Variants in MEP1A observed in about 807,000 individuals in gnomAD.
MEP1A encodes meprin A subunit alpha, also known as N-benzoyl-L-tyrosyl-P-amino-benzoic acid hydrolase subunit alpha.
Under a neutral mutation model 84.5 loss-of-function variants are expected in MEP1A, and 68 were observed. The observed-to-expected ratio is 0.80, with a 90% CI of 0.66 to 0.98. The LOEUF is 0.98. Ranked by LOEUF, MEP1A falls within the 50% of genes least tolerant of loss-of-function variation. The pLI, the probability that MEP1A is intolerant of heterozygous loss-of-function variation, is 0.00. For synonymous variants in MEP1A, 337 were observed against 336.8 expected, an observed-to-expected ratio of 1.00 and a Z score of -0.01; for missense variants, 887 against 919.9, an observed-to-expected ratio of 0.96 and a Z score of 0.46.
At chr6:46,825,064 A>G (rs1767901470) in intron 7 of MEP1A, among the ~76,000 whole-genome samples, 1 of 83,796 alleles carries the variant, frequency 1.2e-5, no homozygotes, top group Non-Finnish European at 2.9e-5. Context: ...TTATGTATTT[A>G]AATAAATCTA....
intron 5 of MEP1A, among the ~76,000 whole-genome samples, chr6:46,807,549 AAAGAAAGAAAGAAAGAAAGG>A (rs1581668585): frequency 1.7e-5 from 1 of 59,220 alleles, no homozygotes; most frequent in Non-Finnish European, 3.2e-5. Context: ...AGAAAGAAAG[AAAGAAAGAAAGAAAGAAAGG>A]AAGGAAGGAA....
Position 46,839,164 on chromosome 6 carries a change from A to G in MEP1A, c.*28A>G, listed in dbSNP as rs1267583187. ...TGCCTGCTGGCATTGGCCAGACCACAGCAGCACCTCCTCCATGCAGGCCTT... is the reference window on the plus strand; with the variant it reads ...TGCCTGCTGGCATTGGCCAGACCACGGCAGCACCTCCTCCATGCAGGCCTT... On this transcript the variant is annotated 3_prime_UTR_variant, in exon 14 of 14. Transcript: ENST00000230588. 1 of 1,600,612 alleles carries G rather than the reference A, an allele frequency of 6.2e-7. No homozygotes were observed. The highest frequency in any genetic ancestry group is 1.7e-5 in the Admixed American group (1 of 59,180).
intron 4 of MEP1A, 73 bp downstream of exon 4, chr6:46,798,719 G>A (rs899127746): frequency 2.1e-5 from 27 of 1,313,258 alleles, no homozygotes; most frequent in African/African-American, 1.7e-4. Flanking sequence ...TCTGCTCTGC[G>A]GCCAGCCCTG....
In MEP1A at chr6:46,834,758, T is replaced by G; in HGVS notation, c.1783+7T>G. 6.2e-7 allele frequency: 1 copy of G among 1,607,080 alleles called. No individual in the cohort carries two copies. ...ATATTTGTGGACTTTGAAGGTACTT[T>G]TGTTGGTCTTCCTGAGTAAATAATC... On this transcript the variant is annotated splice_region_variant and intron_variant, in intron 12 of 13. Transcript: ENST00000230588.
At chr6:46,811,584 T>C (rs1454402169) in intron 6 of MEP1A, among the ~76,000 whole-genome samples, 1 of 152,098 alleles carries the variant, frequency 6.6e-6, no homozygotes, top group Non-Finnish European at 1.5e-5. Flanking sequence ...CTTTTTATCA[T>C]TCACTATAAA....
intron 10 of MEP1A, among the ~76,000 whole-genome samples, chr6:46,831,470 G>T (rs1214255921): frequency 6.6e-6 from 1 of 152,152 alleles, no homozygotes; most frequent in Non-Finnish European, 1.5e-5. Flanking sequence ...AACTAACAGG[G>T]ATTAAATTTG....
the MEP1A span, among the ~76,000 whole-genome samples, chr6:46,845,498 T>G: frequency 3.3e-5 from 5 of 152,368 alleles, no homozygotes; most frequent in South Asian, 1.0e-3. Flanking sequence ...CGTCTGGTAC[T>G]CACAGAAAAC....
At chr6:46,841,677 T>C (rs1054258691), downstream of MEP1A, among the ~76,000 whole-genome samples, 5 of 152,176 alleles carry the variant, frequency 3.3e-5, no homozygotes, top group African/African-American at 1.2e-4. Flanking sequence ...TCCCCCACCA[T>C]ATCCTCGATA....
chr6:46,838,847 G>A (rs533935723), intron 13 of MEP1A, 133 bp from the exon 14 acceptor site: 69 of 719,194 alleles, frequency 9.6e-5, no homozygotes, highest in Non-Finnish European at 1.5e-4. Context: ...TACAGCTCTT[G>A]AAATGGGACC....
Position 46,829,407 on chromosome 6 carries a change from C to T in MEP1A, c.980C>T (p.Ala327Val). Residue 327 changes from alanine (A) to valine (V), a missense_variant, in exon 10 of 14, where the codon GCA becomes GTA. Physicochemically the swap from Ala to Val is moderately conservative, Grantham distance 64. Coordinates refer to ENST00000230588, the MANE Select transcript of MEP1A (RefSeq NM_005588.3). ...FSTSSGSAEE[A>V]ALLESRILYP... ...ACCAGCTCGGGGTCCGCGGAAGAGG[C>T]AGCCCTACTGGAGTCTCGGATTCTT... 1 of 1,614,118 alleles carries T rather than the reference C, an allele frequency of 6.2e-7. No homozygotes were observed.
At chr6:46,826,648 C>A in intron 9 of MEP1A, 145 bp downstream of exon 9, 1 of 653,430 alleles carries the variant, frequency 1.5e-6, no homozygotes, top group Non-Finnish European at 2.3e-6. Context: ...CTTATATCTT[C>A]ATTATTAACT....
chr6:46,822,707 C>T (rs781048463), intron 7 of MEP1A, among the ~76,000 whole-genome samples: 1 of 152,048 alleles, frequency 6.6e-6, no homozygotes, highest in African/African-American at 2.4e-5. Context: ...CCATGCCCAG[C>T]TAATTTTTGT....
intron 3 of MEP1A, among the ~76,000 whole-genome samples, chr6:46,797,223 C>T (rs986933371): frequency 4.6e-5 from 7 of 152,204 alleles, no homozygotes; most frequent in African/African-American, 1.7e-4. Context: ...TTAATCTCTG[C>T]CTTGGCTTCC....
At chr6:46,835,623 TG>T in intron 13 of MEP1A, 74 bp downstream of exon 13, 1 of 1,510,814 alleles carries the variant, frequency 6.6e-7, no homozygotes, top group South Asian at 1.2e-5. Context: ...TGGTAAAGGC[TG>T]CTGTTTGCAG....
At chr6:46,798,367 T>G (rs1767113798) in intron 3 of MEP1A, among the ~76,000 whole-genome samples, 1 of 152,222 alleles carries the variant, frequency 6.6e-6, no homozygotes, top group Non-Finnish European at 1.5e-5. Context: ...GTCTTACTTC[T>G]AAGATTCTTA....
At chr6:46,819,239 T>C (rs764437291) in intron 6 of MEP1A, among the ~76,000 whole-genome samples, 2 of 152,218 alleles carry the variant, frequency 1.3e-5, no homozygotes, top group African/African-American at 2.4e-5. Context: ...CCAATGTTTA[T>C]TGCTTTCTAC....
At chr6:46,833,857 T>C (rs1163752274) in intron 11 of MEP1A, among the ~76,000 whole-genome samples, 3 of 152,196 alleles carry the variant, frequency 2.0e-5, no homozygotes, top group African/African-American at 7.2e-5. Flanking sequence ...CTGCTAATCA[T>C]TTATCAAATA....
chr6:46,828,693 G>A (rs1168661550), intron 9 of MEP1A, among the ~76,000 whole-genome samples: 1 of 152,054 alleles, frequency 6.6e-6, no homozygotes, highest in Non-Finnish European at 1.5e-5. Flanking sequence ...AAAGAGTTTT[G>A]AGATATCTGA....
intron 13 of MEP1A, among the ~76,000 whole-genome samples, chr6:46,836,366 A>C (rs1768218220): frequency 6.6e-6 from 1 of 152,220 alleles, no homozygotes; most frequent in South Asian, 2.1e-4. Flanking sequence ...TGTAGAAGCT[A>C]TTCTGCCTGC....
Sources: allele counts gnomAD v4.1 joint callset (sites outside exome capture counted in the v4.1 genomes callset), GRCh38; gene constraint gnomAD v4.1.1; transcripts MANE v1.5; gene names NCBI Gene and HGNC (gene_info 2026-07-23, HGNC 2026-07-21).